The following BAZ2B variants were observed in gnomAD, a reference collection of about 807,000 sequenced individuals.
The protein encoded by BAZ2B is bromodomain adjacent to zinc finger domain 2B.
BAZ2B carries 91 observed loss-of-function variants against 246.0 expected under a neutral mutation model. The ratio of observed to expected loss-of-function variants is 0.37; its 90% CI spans 0.31 to 0.44. The LOEUF (loss-of-function observed/expected upper bound fraction) is 0.44. Ranked by LOEUF, BAZ2B falls within the 20% of genes least tolerant of loss-of-function variation. The pLI is 1.00. For missense variants in BAZ2B, 2,332 were observed against 2,533.7 expected, an observed-to-expected ratio of 0.92 and a Z score of 1.71; for synonymous variants, 855 against 860.0, an observed-to-expected ratio of 0.99 and a Z score of 0.10.
intron 34 of BAZ2B, among the ~76,000 whole-genome samples, chr2:159,329,280 T>C (rs940044623): frequency 6.6e-6 from 1 of 152,194 alleles, no homozygotes; most frequent in Admixed American, 6.5e-5. Context: ...CATAGTTTTA[T>C]TGGGTATTAT....
chr2:159,656,902 C>T, the BAZ2B span, among the ~76,000 whole-genome samples: 3 of 152,180 alleles, frequency 2.0e-5, no homozygotes, highest in South Asian at 4.1e-4. Flanking sequence ...TCATCAGATA[C>T]GTATTTTGCA....
intron 1 of BAZ2B, among the ~76,000 whole-genome samples, chr2:159,578,866 T>C (rs1174009375): frequency 1.3e-5 from 2 of 152,158 alleles, no homozygotes; most frequent in African/African-American, 4.8e-5. Context: ...AAGATGTTCT[T>C]TGAAACCAAT....
intron 2 of BAZ2B, among the ~76,000 whole-genome samples, chr2:159,517,799 A>C (rs1276126291): frequency 6.6e-6 from 1 of 152,192 alleles, no homozygotes; most frequent in East Asian, 1.9e-4. Flanking sequence ...ATGTCATTTC[A>C]AGGAGTATGT....
chr2:159,448,119 G>T (rs2074521454), intron 5 of BAZ2B, 123 bp downstream of exon 5: 7 of 1,115,258 alleles, frequency 6.3e-6, no homozygotes, highest in Non-Finnish European at 8.8e-6. Context: ...GTGAGACCTT[G>T]TCTCTATTAA....
At chr2:159,659,861 G>T in the BAZ2B span, among the ~76,000 whole-genome samples, 8 of 152,182 alleles carry the variant, frequency 5.3e-5, no homozygotes, top group Non-Finnish European at 1.2e-4. Context: ...TTTGTGAAGA[G>T]AAGTCATTAA....
At chr2:159,609,214 A>G (rs892690113) in intron 1 of BAZ2B, among the ~76,000 whole-genome samples, 24 of 152,190 alleles carry the variant, frequency 1.6e-4, no homozygotes, top group Non-Finnish European at 2.4e-4. Flanking sequence ...AATACCACCT[A>G]AATACTGTAA....
the BAZ2B span, among the ~76,000 whole-genome samples, chr2:159,684,390 A>G: frequency 2.0e-5 from 3 of 152,368 alleles, no homozygotes; most frequent in South Asian, 6.2e-4. Flanking sequence ...GAAACTGACA[A>G]ACTAAATAAA....
chr2:159,361,955 G>A (rs552534467), intron 27 of BAZ2B, among the ~76,000 whole-genome samples: 1 of 151,646 alleles, frequency 6.6e-6, no homozygotes, highest in Admixed American at 6.6e-5. Flanking sequence ...GGGCCTGTCG[G>A]GGGGGTGAGG....
intron 27 of BAZ2B, among the ~76,000 whole-genome samples, chr2:159,352,485 TC>T: frequency 6.6e-6 from 1 of 150,876 alleles, no homozygotes; most frequent in East Asian, 1.9e-4. Flanking sequence ...AATGTCTATA[TC>T]TTTTTTTTTT....
the BAZ2B span, chr2:159,693,765 G>T: frequency 6.6e-6 from 1 of 150,824 alleles, no homozygotes; most frequent in Non-Finnish European, 1.5e-5. Context: ...CTGGAGTACC[G>T]TGACTATTCA....
intron 3 of BAZ2B, among the ~76,000 whole-genome samples, chr2:159,466,900 C>T (rs538782825): frequency 5.3e-5 from 8 of 152,200 alleles, no homozygotes; most frequent in African/African-American, 1.7e-4. Context: ...CTACTCACTC[C>T]ACTGATTCAA....
rs368652464 is a variant in BAZ2B, at chr2:159,349,971, T to C, written c.4600A>G (p.Ser1534Gly). 7 of 1,614,108 alleles carry C rather than the reference T, an allele frequency of 4.3e-6. No individual in the cohort carries two copies. Among genetic ancestry groups the C allele is most frequent in the African/African-American group, 1.3e-5 (1 of 74,942 alleles). ...GGACTGTAGAACTTCCCTGGACCAC[T>C]TGAACCAGTATTAAACAGATTATTA... ...DSNNLFNTGS[S>G]GPGKFYSPLP... The change falls in exon 28 of 37, where the codon AGT becomes GGT. Residue 1534 changes from serine (S) to glycine (G), a missense_variant. Around this residue, in one of 9 missense-constraint regions of BAZ2B, gnomAD observed 676 missense variants for 668.6 expected, o/e 1.01. Transcript: ENST00000392783.
chr2:159,557,552 A>T (rs1041214248), intron 1 of BAZ2B, among the ~76,000 whole-genome samples: 2 of 152,050 alleles, frequency 1.3e-5, no homozygotes, highest in African/African-American at 4.8e-5. Flanking sequence ...CTCTGCCTGG[A>T]GCAATTGTTC....
intron 2 of BAZ2B, among the ~76,000 whole-genome samples, chr2:159,487,446 T>C (rs533910009): frequency 6.6e-6 from 1 of 152,332 alleles, no homozygotes; most frequent in South Asian, 2.1e-4. Context: ...AACATGGGTA[T>C]CTTTCTAATC....
At chr2:159,515,350 C>T (rs1459508147) in intron 2 of BAZ2B, among the ~76,000 whole-genome samples, 2 of 151,946 alleles carry the variant, frequency 1.3e-5, no homozygotes, top group Non-Finnish European at 2.9e-5. Flanking sequence ...TTCTACTTCC[C>T]ATTTCAGTCG....
intron 2 of BAZ2B, among the ~76,000 whole-genome samples, chr2:159,491,587 G>A (rs903499685): frequency 6.7e-6 from 1 of 148,916 alleles, no homozygotes; most frequent in African/African-American, 2.5e-5. Context: ...CGGGCGTAGT[G>A]GCGGGCGCCT....
intron 10 of BAZ2B, 71 bp from the exon 11 acceptor site, chr2:159,429,331 CTT>C: frequency 1.1e-6 from 1 of 945,436 alleles, no homozygotes; most frequent in East Asian, 2.8e-5. Flanking sequence ...AGTTTAGAAA[CTT>C]TTCTTTAAAA....
At position 159,438,594 on chromosome 2, in the gene BAZ2B, T is replaced by C; in HGVS notation, c.1002A>G (p.Glu334=). 1 of 1,614,168 alleles carries C rather than the reference T, an allele frequency of 6.2e-7. No individual in the cohort carries two copies. The highest frequency in any genetic ancestry group is 2.2e-5 in the East Asian group (1 of 44,874). The change falls in exon 8 of 37, where the codon GAA becomes GAG. Residue 334 remains glutamate, a synonymous_variant. Transcript: ENST00000392783. The part of the protein sequence containing the change: ...RIHQPLPLAS[E]SQTHSFQSQQ... Reference sequence around the variant, plus strand: ...GGGATTGGAATGAGTGAGTCTGGGATTCAGACGCAAGAGGTAATGGCTGGT... The same window carrying C: ...GGGATTGGAATGAGTGAGTCTGGGACTCAGACGCAAGAGGTAATGGCTGGT...
rs992860784 is a variant in BAZ2B, at chr2:159,319,552, CTT to C, written c.*711_*712del. The C allele has an allele frequency of 9.2e-5, 14 of 152,508 alleles. No homozygotes were observed. Among genetic ancestry groups the C allele is most frequent in the Non-Finnish European group, 1.3e-4 (9 of 67,996 alleles). The allele number at this position is 152,508 out of a possible 1,614,324, so 9.4% of individuals were successfully genotyped here. A position where few individuals can be genotyped will look rare whatever the true frequency, so the allele number is the denominator to read the frequency against. ...CACATAATACATATTTAAAACAAGA[CTT>C]AATATAAACAAGAATGAACAGTATA... On this transcript the variant is annotated 3_prime_UTR_variant, in exon 37 of 37. Coordinates refer to ENST00000392783, the MANE Select transcript of BAZ2B (RefSeq NM_013450.4). This position sits in a 1 kb window ranked among gnomAD's most constrained non-coding sequence, Gnocchi z 4.0.
Sources: gnomAD v4.1 joint callset for allele counts (sites outside exome capture counted in the v4.1 genomes callset) on GRCh38, gnomAD v4.1.1 for gene constraint, gnomAD v4.1.1 regional missense constraint, Gnocchi (gnomAD v3.1) non-coding constraint, MANE v1.5 for transcripts, NCBI Gene and HGNC (gene_info 2026-07-23, HGNC 2026-07-21) for gene names.